RAPGEF6: variants seen among roughly 807,000 people sequenced by gnomAD.
RAPGEF6 encodes the protein PDZ domain containing guanine nucleotide exchange factor (GEF) 2.
RAPGEF6 carries 56 observed loss-of-function variants against 171.4 expected under a neutral mutation model. The ratio of observed to expected loss-of-function variants is 0.33; its 90% CI spans 0.26 to 0.41. RAPGEF6 has a LOEUF of 0.41. RAPGEF6 is among the 10% of genes least tolerant of loss of function. The pLI, the probability that RAPGEF6 is intolerant of heterozygous loss-of-function variation, is 1.00. For missense variants in RAPGEF6, 1,674 were observed against 1,921.4 expected (o/e 0.87, Z 2.41); for synonymous variants, 692 against 650.1 (o/e 1.06, Z -0.98).
intron 1 of RAPGEF6, among the ~76,000 whole-genome samples, chr5:131,624,860 C>T (rs1186433146): frequency 2.6e-5 from 4 of 152,192 alleles, no homozygotes; most frequent in Admixed American, 6.5e-5. Context: ...CAGTTGCTCA[C>T]GCCTGTAATC....
intron 20 of RAPGEF6, among the ~76,000 whole-genome samples, chr5:131,455,383 CA>C (rs1580849664): frequency 1.3e-5 from 2 of 152,300 alleles, no homozygotes; most frequent in East Asian, 3.9e-4. Context: ...CTCAGCCTCC[CA>C]AGTAGCTGGA....
intron 4 of RAPGEF6, among the ~76,000 whole-genome samples, chr5:131,580,269 G>A (rs952347665): frequency 3.3e-5 from 5 of 152,178 alleles, no homozygotes; most frequent in African/African-American, 4.8e-5. Flanking sequence ...CACAGCTGCC[G>A]GCACGGGTGT....
intron 25 of RAPGEF6, 52 bp downstream of exon 25, chr5:131,433,378 A>C (rs1751825413): frequency 5.3e-6 from 8 of 1,515,880 alleles, no homozygotes; most frequent in Admixed American, 5.1e-5. Flanking sequence ...CACTCCTTGC[A>C]GTGGCCACTT....
Position 131,426,721 on chromosome 5 carries a change from T to C in RAPGEF6, c.*545A>G, listed in dbSNP as rs776026195. 17 of 128,888 alleles carry C rather than the reference T, an allele frequency of 1.3e-4. No homozygotes were observed. The highest frequency in any genetic ancestry group is 1.4e-4 in the Non-Finnish European group (8 of 57,632). 8.0% of individuals were successfully genotyped at this position (128,888 alleles called of 1,614,324 possible). A position where few individuals can be genotyped will look rare whatever the true frequency, so the allele number is the denominator to read the frequency against. ...ATCAAGCATATCACCTCTGTAAAGA[T>C]GACTTCTGTTTGGTCAGACCAGAGA... On this transcript the variant is annotated 3_prime_UTR_variant, in exon 28 of 28. Coordinates refer to ENST00000509018, the MANE Select transcript of RAPGEF6 (RefSeq NM_016340.6).
intron 4 of RAPGEF6, among the ~76,000 whole-genome samples, chr5:131,571,385 C>G (rs532285717): frequency 6.6e-5 from 10 of 152,060 alleles, no homozygotes; most frequent in African/African-American, 2.4e-4. Context: ...TTCAAAAATT[C>G]TTATTCAAAA....
intron 17 of RAPGEF6, 188 bp from the exon 18 acceptor site, chr5:131,464,469 C>T: frequency 1.9e-6 from 1 of 519,534 alleles, no homozygotes; most frequent in South Asian, 2.3e-5. Flanking sequence ...GATAACAAAT[C>T]ATTGATAGAA....
chr5:131,582,421 A>C (rs1171038589), intron 4 of RAPGEF6, among the ~76,000 whole-genome samples: 1 of 152,262 alleles, frequency 6.6e-6, no homozygotes, highest in Non-Finnish European at 1.5e-5. Context: ...TCCACACCTC[A>C]TATCATATAC....
intron 1 of RAPGEF6, among the ~76,000 whole-genome samples, chr5:131,615,095 C>A (rs1238272173): frequency 6.6e-6 from 1 of 152,182 alleles, no homozygotes; most frequent in Non-Finnish European, 1.5e-5. Flanking sequence ...GATTCTTCTG[C>A]ACACTAAAGT....
At chr5:131,572,364 G>A (rs1226695400) in intron 4 of RAPGEF6, among the ~76,000 whole-genome samples, 1 of 151,994 alleles carries the variant, frequency 6.6e-6, no homozygotes. Flanking sequence ...AACCTCTCTC[G>A]CCTCCCTTCA....
intron 3 of RAPGEF6, among the ~76,000 whole-genome samples, chr5:131,595,369 T>A (rs1763836757): frequency 6.6e-6 from 1 of 152,202 alleles, no homozygotes; most frequent in Non-Finnish European, 1.5e-5. Context: ...CTCCCACTCA[T>A]GCTTCCTGTG....
intron 16 of RAPGEF6, among the ~76,000 whole-genome samples, chr5:131,473,074 CACTAA>C (rs1048696053): frequency 6.6e-6 from 1 of 152,156 alleles, no homozygotes; most frequent in African/African-American, 2.4e-5. Context: ...TTTTAGTGGA[CACTAA>C]TACATGTATC....
Position 131,464,115 on chromosome 5 carries a change from A to G in RAPGEF6, c.2406T>C (p.Pro802=). The change falls in exon 18 of 28, where the codon CCT becomes CCC. Residue 802 remains proline (P), a synonymous_variant. Coordinates refer to ENST00000509018, the MANE Select transcript of RAPGEF6 (RefSeq NM_016340.6). ...TYSLCEVSVT[P]EGVIKQRRLP... ...GTCTTCTCTGTTTTATGACACCCTC[A>G]GGAGTAACAGAAACTTCACAGAGAG... The G allele has an allele frequency of 1.2e-6, 2 of 1,613,914 alleles. No homozygotes were observed. The highest frequency in any genetic ancestry group is 1.1e-5 in the South Asian group (1 of 91,066).
intron 1 of RAPGEF6, among the ~76,000 whole-genome samples, chr5:131,607,091 G>A (rs1764647834): frequency 6.6e-6 from 1 of 152,102 alleles, no homozygotes; most frequent in Non-Finnish European, 1.5e-5. Flanking sequence ...TTATATACTT[G>A]GCAGTTAGAA....
intron 7 of RAPGEF6, among the ~76,000 whole-genome samples, chr5:131,518,233 T>C (rs1758228096): frequency 6.6e-6 from 1 of 151,952 alleles, no homozygotes; most frequent in African/African-American, 2.4e-5. Flanking sequence ...TAAGATTTTA[T>C]ACATATGAGA....
At chr5:131,604,819 T>C (rs1226443064) in intron 1 of RAPGEF6, 126 bp from the exon 2 acceptor site, 5 of 1,184,642 alleles carry the variant, frequency 4.2e-6, no homozygotes, top group Non-Finnish European at 5.7e-6. Context: ...GGAAAAATCA[T>C]AAAACCTCTG....
chr5:131,588,228 C>T (rs1763375929), intron 4 of RAPGEF6, among the ~76,000 whole-genome samples: 1 of 152,096 alleles, frequency 6.6e-6, no homozygotes, highest in Non-Finnish European at 1.5e-5. Context: ...TACCAGTAAA[C>T]ACAACAATGG....
intron 6 of RAPGEF6, among the ~76,000 whole-genome samples, chr5:131,537,822 TG>T (rs1414816792): frequency 1.3e-5 from 2 of 152,040 alleles, no homozygotes; most frequent in Non-Finnish European, 2.9e-5. Flanking sequence ...CTGGGGGTGG[TG>T]GTGATTACAT....
At chr5:131,465,611 T>C (rs12659474) in intron 17 of RAPGEF6, among the ~76,000 whole-genome samples, 33,142 of 151,658 alleles carry the variant, frequency 0.22, 3,975 homozygotes, top group East Asian at 0.49. Context: ...CAAGACCCCA[T>C]CTCTACAAAA....
intron 6 of RAPGEF6, among the ~76,000 whole-genome samples, chr5:131,524,854 A>C (rs1486247900): frequency 6.6e-6 from 1 of 152,062 alleles, no homozygotes; most frequent in Non-Finnish European, 1.5e-5. Flanking sequence ...GACCTCATGT[A>C]ATCTGCCTGC....
Sources: allele counts gnomAD v4.1 joint callset (sites outside exome capture counted in the v4.1 genomes callset), GRCh38; gene constraint gnomAD v4.1.1; transcripts MANE v1.5; gene names NCBI Gene and HGNC (gene_info 2026-07-23, HGNC 2026-07-21).